Variants in ROBO4 observed in about 807,000 individuals in gnomAD.
ROBO4 encodes roundabout homolog 4.
In ROBO4, 80 loss-of-function variants were observed where a neutral mutation model predicts 103.3. The observed-to-expected ratio is 0.77, with a 90% CI of 0.65 to 0.93. The LOEUF (loss-of-function observed/expected upper bound fraction) is 0.93. ROBO4 is among the 40% of genes least tolerant of loss of function. ROBO4 has a pLI of 0.00. For synonymous variants in ROBO4, 504 were observed against 529.7 expected (o/e 0.95, Z 0.67); for missense variants, 1,333 against 1,305.3 (o/e 1.02, Z -0.33).
At position 124,885,154 on chromosome 11, in the gene ROBO4, T is replaced by A. The variant is rs763748366; in HGVS notation, c.2888A>T (p.Asp963Val). The change falls in exon 17 of 18, where the codon GAC becomes GTC. Residue 963 changes from aspartate (D) to valine (V), a missense_variant. Asp to Val is a radical substitution (Grantham distance 152). Coordinates refer to ENST00000306534, the MANE Select transcript of ROBO4 (RefSeq NM_019055.6). ...CCGCTGGGTGTGGCTGACCTCCATG[T>A]CTTCCAACCAGTCTGGCCTCCACTC... is the stretch of plus-strand genomic sequence containing the variant. Reference protein sequence around the residue: ...LWEWRPDWLEDMEVSHTQRLG... With the variant: ...LWEWRPDWLEVMEVSHTQRLG... The A allele has an allele frequency of 1.9e-6, 3 of 1,613,928 alleles. No individual in the cohort carries two copies. In the African/African-American group the frequency reaches 4.0e-5, roughly 22 times the overall value.
chr11:124,892,367 G>A (rs1489970417), intron 10 of ROBO4: 1 of 271,066 alleles, frequency 3.7e-6, no homozygotes, highest in African/African-American at 2.2e-5. Context: ...CTCTGCGTAA[G>A]ACCTTCAATG....
chr11:124,886,072 T>C lies in ROBO4; in HGVS notation c.2794+392A>G, dbSNP rs570564080. On this transcript the variant is annotated intron_variant, in intron 16 of 17. Coordinates refer to ENST00000306534, the MANE Select transcript of ROBO4 (RefSeq NM_019055.6). ...TGGGCATGGTGGTAGGTGCCTGTAA[T>C]CCCAGCTACTCGGGAGGCTGAGGCA... Among the ~76,000 whole-genome samples the C allele has an allele frequency of 1.2e-4, 19 of 152,280 alleles. No homozygotes were observed. In the South Asian group the frequency reaches 3.9e-3, roughly 32 times the overall value.
At chr11:124,897,315 C>T (rs1354144044) in intron 1 of ROBO4, 54 bp from the exon 2 acceptor site, 4 of 1,251,036 alleles carry the variant, frequency 3.2e-6, no homozygotes, top group Non-Finnish European at 4.3e-6. Flanking sequence ...ACCCCAAATT[C>T]CTGGCCCACC....
At position 124,891,486 on chromosome 11, in the gene ROBO4, A is replaced by T; in HGVS notation, c.1761T>A (p.Ala587=). ...DTSTFYGSLI[A]ELPSSTPARP... is the part of the protein sequence containing the mutation. ...TGGCTGGGGTACTGGAGGGCAGCTC[A>T]GCGATGAGGGAGCCATAAAAAGTGC... The change falls in exon 12 of 18, where the codon GCT becomes GCA. Residue 587 remains alanine, a synonymous_variant. Transcript: ENST00000306534. The T allele has an allele frequency of 1.9e-6, 3 of 1,613,692 alleles. No homozygotes were observed. The highest frequency in any genetic ancestry group is 2.5e-6 in the Non-Finnish European group (3 of 1,179,748).
chr11:124,897,470 G>GCT (rs10553259), intron 1 of ROBO4: 39,142 of 505,500 alleles, frequency 0.077, 476 homozygotes, highest in South Asian at 0.12. Context: ...TAGCATGTTC[G>GCT]CTCTCTCTCT....
intron 16 of ROBO4, chr11:124,886,262 A>T (rs57504141): frequency 0.044 from 22,125 of 500,452 alleles, 580 homozygotes; most frequent in Middle Eastern, 0.087. Context: ...TATCTGACTT[A>T]CAGTTTCCTC....
Position 124,891,539 on chromosome 11 carries a change from G to A in ROBO4, c.1708C>T (p.Pro570Ser), listed in dbSNP as rs772308540. 6.2e-7 allele frequency: 1 copy of A among 1,614,202 alleles called. No individual in the cohort carries two copies. Among genetic ancestry groups the A allele is most frequent in the African/African-American group, 1.3e-5 (1 of 75,048 alleles). ...RSLLSWDSRS[P>S]GVPLLPDTST... Reference sequence around the variant, plus strand: ...GTGTCTGGAAGCAGGGGCACGCCGGGGCTTCGGGAGTCCCAGGAGAGCACT... The same window carrying A: ...GTGTCTGGAAGCAGGGGCACGCCGGAGCTTCGGGAGTCCCAGGAGAGCACT... Residue 570 changes from proline (P) to serine (S), a missense_variant, in exon 12 of 18, where the codon CCC (proline) becomes TCC (serine). Pro to Ser is a moderately conservative substitution (Grantham distance 74). Transcript: ENST00000306534.
chr11:124,891,378 G>T lies in ROBO4; in HGVS notation c.1869C>A (p.Ser623Arg). 20 of 1,559,066 alleles carry T rather than the reference G, an allele frequency of 1.3e-5. No homozygotes were observed. Among genetic ancestry groups the T allele is most frequent in the East Asian group, 2.3e-5 (1 of 44,414 alleles). Residue 623 changes from serine to arginine, a missense_variant, in exon 12 of 18, where the codon AGC (serine) becomes AGA (arginine). Transcript: ENST00000306534. Reference sequence around the variant, plus strand: ...AAGAGAGTCCCCTGCGGCTGCAGAGGCTGTCTGAGCTGGAACAGGGGCTGG... The same window carrying T: ...AAGAGAGTCCCCTGCGGCTGCAGAGTCTGTCTGAGCTGGAACAGGGGCTGG... The part of the protein sequence containing the change: ...QLSSPCSSSD[S>R]LCSRRGLSSP...
In ROBO4 at chr11:124,894,278, C is replaced by G. The variant is rs767391797; in HGVS notation, c.1241G>C (p.Gly414Ala). Residue 414 changes from glycine to alanine, a missense_variant, in exon 8 of 18, where the codon GGC becomes GCC. Physicochemically the swap from Gly to Ala is moderately conservative, Grantham distance 60. Coordinates refer to ENST00000306534, the MANE Select transcript of ROBO4 (RefSeq NM_019055.6). ...TGCAGCCACTTGCACGCAGTAGGAG[C>G]CTGGCATATGGGTGGCGATTTCCAG... is the stretch of plus-strand genomic sequence containing the variant. ...TQLEIATHMPGSYCVQVAAVT... is the reference protein window; with the variant it reads ...TQLEIATHMPASYCVQVAAVT... 18 of 1,613,976 alleles carry G rather than the reference C, an allele frequency of 1.1e-5. No homozygotes were observed. In the Admixed American group the frequency reaches 1.3e-4, roughly 12 times the overall value.
chr11:124,886,798 C>T lies in ROBO4; in HGVS notation c.2460G>A (p.Arg820=). Residue 820 remains arginine (R), a synonymous_variant, in exon 16 of 18, where the codon AGG becomes AGA. Coordinates refer to ENST00000306534, the MANE Select transcript of ROBO4 (RefSeq NM_019055.6). ...CATAGGTGGTGGGGGGTGAAGGAGC[C>T]CTTGGCATGGGAGAGACGCTGTTCC... is the stretch of plus-strand genomic sequence containing the variant. ...TPRNSVSPMP[R]APSPPTTYGY... is the part of the protein sequence containing the mutation. 1 of 1,537,066 alleles carries T rather than the reference C, an allele frequency of 6.5e-7. No homozygotes were observed. The highest frequency in any genetic ancestry group is 8.8e-7 in the Non-Finnish European group (1 of 1,140,160).
Position 124,894,059 on chromosome 11 carries a change from A to G in ROBO4, c.1319-14T>C, listed in dbSNP as rs776084529. ...CCATGGCCTGCTCTGTATGGGATGC[A>G]GAGCTCAGAGGGAGAGGGAGTCGAG... On this transcript the variant is annotated splice_polypyrimidine_tract_variant and intron_variant, in intron 8 of 17. Transcript: ENST00000306534. 5.2e-6 allele frequency: 8 copies of G among 1,540,334 alleles called. No homozygotes were observed. The highest frequency in any genetic ancestry group is 1.9e-5 in the Admixed American group (1 of 51,800).
chr11:124,885,285 C>A, intron 16 of ROBO4, 38 bp from the exon 17 acceptor site: 2 of 1,569,894 alleles, frequency 1.3e-6, no homozygotes, highest in Non-Finnish European at 1.7e-6. Flanking sequence ...GGAGGTTGAC[C>A]TTCAGCCCCT....
chr11:124,896,261 T>G lies in ROBO4; in HGVS notation c.616A>C (p.Met206Leu), dbSNP rs1294841001. The part of the protein sequence containing the change: ...RAEKSDEGTY[M>L]CVATNSAGHR... Reference sequence around the variant, plus strand: ...CCTGCGCTGTTGGTGGCCACACACATGTAGGTCCCTTCGTCACTCTTCTCT... The same window carrying G: ...CCTGCGCTGTTGGTGGCCACACACAGGTAGGTCCCTTCGTCACTCTTCTCT... Residue 206 changes from methionine (M) to leucine (L), a missense_variant, in exon 4 of 18, where the codon ATG becomes CTG. Coordinates refer to ENST00000306534, the MANE Select transcript of ROBO4 (RefSeq NM_019055.6). The G allele has an allele frequency of 3.1e-6, 5 of 1,614,058 alleles. No homozygotes were observed. The highest frequency in any genetic ancestry group is 4.2e-6 in the Non-Finnish European group (5 of 1,180,000).
chr11:124,887,673 C>A (rs1946738064), intron 13 of ROBO4, 60 bp downstream of exon 13: 1 of 1,562,322 alleles, frequency 6.4e-7, no homozygotes. Context: ...GGCTGGTAAG[C>A]CCCTGCATCC....
At position 124,884,785 on chromosome 11, in the gene ROBO4, A is replaced by G. The variant is rs544090235; in HGVS notation, c.*106T>C. 7 of 1,264,706 alleles carry G rather than the reference A, an allele frequency of 5.5e-6. No individual in the cohort carries two copies. The highest frequency in any genetic ancestry group is 8.1e-6 in the Non-Finnish European group (7 of 864,850). 78.3% of individuals were successfully genotyped at this position (1,264,706 alleles called of 1,614,324 possible). ...CTGGAGGCTTGGGAAGGTGGACCCC[A>G]GCTGCAGAGAAACACAGGCCAAGAC... On this transcript the variant is annotated 3_prime_UTR_variant, in exon 18 of 18. Coordinates refer to ENST00000306534, the MANE Select transcript of ROBO4 (RefSeq NM_019055.6).
intron 4 of ROBO4, 108 bp from the exon 5 acceptor site, chr11:124,896,020 A>G (rs1946882791): frequency 6.4e-7 from 1 of 1,551,752 alleles, no homozygotes; most frequent in Non-Finnish European, 8.7e-7. Context: ...AAACTCCCAG[A>G]GTCTCCAGGT....
At position 124,893,812 on chromosome 11, in the gene ROBO4, G is replaced by T. The variant is rs745808527; in HGVS notation, c.1504+48C>A. 1.9e-6 allele frequency: 3 copies of T among 1,612,548 alleles called. No homozygotes were observed. In the African/African-American group the frequency reaches 4.0e-5, roughly 22 times the overall value. On this transcript the variant is annotated intron_variant, in intron 9 of 17. Transcript: ENST00000306534. ...CCAAAGCCCCTGCACCATTCTGGCT[G>T]GATGCTGAGGAGGCCTGTATACATG...
chr11:124,891,785 G>C lies in ROBO4; in HGVS notation c.1565C>G (p.Ser522Cys), dbSNP rs1296443332. 6.2e-7 allele frequency: 1 copy of C among 1,614,144 alleles called. No individual in the cohort carries two copies. The highest frequency in any genetic ancestry group is 1.3e-5 in the African/African-American group (1 of 75,044). The change falls in exon 11 of 18, where the codon TCC becomes TGC. Residue 522 changes from serine (S) to cysteine (C), a missense_variant. Physicochemically the swap from Ser to Cys is moderately radical, Grantham distance 112 (BLOSUM62 -1). Transcript: ENST00000306534. Reference protein sequence around the residue: ...ILKHRMDHSDSQWLADTWRST... With the variant: ...ILKHRMDHSDCQWLADTWRST... ...ACGCCAAGTGTCTGCCAACCACTGG[G>C]AGTCACTGTGATCCATCCTGGGGCA...
chr11:124,897,494 T>TCG, intron 1 of ROBO4: 2 of 552,110 alleles, frequency 3.6e-6, no homozygotes, highest in Non-Finnish European at 6.5e-6. Context: ...TCTCTCTCTC[T>TCG]TACTTTCTCT....
Sources: gnomAD v4.1 joint callset for allele counts (sites outside exome capture counted in the v4.1 genomes callset) on GRCh38, gnomAD v4.1.1 for gene constraint, MANE v1.5 for transcripts, NCBI Gene and HGNC (gene_info 2026-07-23, HGNC 2026-07-21) for gene names.